The following ARMC9 variants were observed in gnomAD, a reference collection of about 807,000 sequenced individuals.
ARMC9 encodes the protein armadillo repeat containing 9.
ARMC9 carries 94 observed loss-of-function variants against 107.0 expected under a neutral mutation model. The ratio of observed to expected loss-of-function variants is 0.88; its 90% confidence interval spans 0.74 to 1.04. The LOEUF is 1.04. Ranked by LOEUF, ARMC9 falls within the 50% of genes least tolerant of loss-of-function variation. The pLI, the probability that ARMC9 is intolerant of heterozygous loss-of-function variation, is 0.00. For synonymous variants in ARMC9, 380 were observed against 396.9 expected (o/e 0.96, Z 0.51); for missense variants, 942 against 1,030.1 (o/e 0.91, Z 1.17).
At chr2:231,278,542 G>C (rs559204971) in intron 16 of ARMC9, 84 bp downstream of exon 16, 1 of 1,223,768 alleles carries the variant, frequency 8.2e-7, no homozygotes, top group South Asian at 1.3e-5. Flanking sequence ...CACACAGCTG[G>C]CCCAGGATGG....
intron 19 of ARMC9, among the ~76,000 whole-genome samples, chr2:231,326,625 G>A (rs1440975790): frequency 6.6e-6 from 1 of 152,172 alleles, no homozygotes; most frequent in African/African-American, 2.4e-5. Context: ...AGAGAGTGGA[G>A]AGGCGGGGTA....
chr2:231,262,867 C>A (rs1559369660), intron 12 of ARMC9, among the ~76,000 whole-genome samples: 1 of 152,194 alleles, frequency 6.6e-6, no homozygotes, highest in Non-Finnish European at 1.5e-5. Context: ...CAAACCTCTG[C>A]TCTACCACTC....
chr2:231,309,838 T>C (rs1172742848), intron 19 of ARMC9, among the ~76,000 whole-genome samples: 2 of 152,170 alleles, frequency 1.3e-5, no homozygotes, highest in Non-Finnish European at 2.9e-5. Flanking sequence ...TATTTCAGTC[T>C]TATACTATCC....
chr2:231,208,849 G>A (rs532004222), intron 3 of ARMC9, among the ~76,000 whole-genome samples: 13 of 152,180 alleles, frequency 8.5e-5, no homozygotes, highest in East Asian at 7.7e-4. Context: ...CAGGAGGACC[G>A]CATAAACCCA....
At chr2:231,321,999 G>A (rs1432185771) in intron 19 of ARMC9, among the ~76,000 whole-genome samples, 3 of 152,226 alleles carry the variant, frequency 2.0e-5, no homozygotes, top group South Asian at 2.1e-4. Context: ...ACTGAGCGGC[G>A]AAAGCAAGAG....
rs1390517485 is a variant in ARMC9 at position 231,216,682 on chromosome 2, C to T, written c.393C>T (p.Tyr131=). The T allele has an allele frequency of 2.5e-6, 4 of 1,613,828 alleles. No homozygotes were observed. Among genetic ancestry groups the T allele is most frequent in the East Asian group, 4.5e-5 (2 of 44,898 alleles). ...LDEKISYFKT[Y]LETKGAALSQ... ...AAAAGATTTCCTACTTCAAAACCTA[C>T]CTGGAGACCAAAGGGGCAGCCTTGA... is the stretch of plus-strand genomic sequence containing the variant. Residue 131 remains tyrosine, a synonymous_variant, in exon 5 of 25, where the codon TAC becomes TAT. Coordinates refer to ENST00000611582, the MANE Select transcript of ARMC9 (RefSeq NM_001352754.2).
intron 1 of ARMC9, chr2:231,199,033 C>G (rs2030257818): frequency 1.3e-5 from 2 of 152,242 alleles, no homozygotes; most frequent in Admixed American, 6.5e-5. Flanking sequence ...AGCGGGTTAT[C>G]CGGGATTTAG....
At chr2:231,307,490 G>A (rs1230848291) in intron 19 of ARMC9, among the ~76,000 whole-genome samples, 1 of 152,194 alleles carries the variant, frequency 6.6e-6, no homozygotes, top group African/African-American at 2.4e-5. Flanking sequence ...GACTAGTTCT[G>A]GAAGGGGCAG....
At chr2:231,212,859 A>G (rs958881798) in intron 3 of ARMC9, among the ~76,000 whole-genome samples, 2 of 152,230 alleles carry the variant, frequency 1.3e-5, no homozygotes, top group Non-Finnish European at 2.9e-5. Flanking sequence ...TTGAGGAGGT[A>G]GATGCTCATT....
At chr2:231,238,161 G>A (rs993933484) in intron 8 of ARMC9, among the ~76,000 whole-genome samples, 5 of 152,038 alleles carry the variant, frequency 3.3e-5, no homozygotes, top group African/African-American at 1.2e-4. Context: ...GACCTTGGCT[G>A]TAAAGAGAAG....
intron 19 of ARMC9, among the ~76,000 whole-genome samples, chr2:231,330,851 G>A (rs1474195168): frequency 6.6e-6 from 1 of 152,106 alleles, no homozygotes; most frequent in Non-Finnish European, 1.5e-5. Context: ...GCAGGCTTTG[G>A]GGGGCTTTTT....
chr2:231,231,175 T>C (rs1214865098), intron 7 of ARMC9, among the ~76,000 whole-genome samples: 1 of 152,186 alleles, frequency 6.6e-6, no homozygotes, highest in Non-Finnish European at 1.5e-5. Flanking sequence ...GACATTCACA[T>C]TGGTGACTTG....
intron 20 of ARMC9, among the ~76,000 whole-genome samples, chr2:231,335,840 A>G (rs1354336303): frequency 1.3e-5 from 2 of 152,104 alleles, no homozygotes; most frequent in South Asian, 4.1e-4. Context: ...ACTTTGAGAG[A>G]CGAGGTGGGA....
chr2:231,258,959 T>G (rs1414817985), intron 10 of ARMC9, 32 bp from the exon 11 acceptor site: 3 of 1,576,096 alleles, frequency 1.9e-6, no homozygotes, highest in Non-Finnish European at 2.6e-6. Context: ...TTTTGCCCTT[T>G]TCTTTCTCTT....
In ARMC9 at chr2:231,273,042, A is replaced by G. The variant is rs2039473163; in HGVS notation, c.1298A>G (p.Glu433Gly). The G allele has an allele frequency of 6.2e-7, 1 of 1,613,758 alleles. No homozygotes were observed. Among genetic ancestry groups the G allele is most frequent in the Admixed American group, 1.7e-5 (1 of 59,978 alleles). ...KEEDKDIITR[E>G]NVLGALQKFS... ...GAGGACAAGGATATCATCACCAGGG[A>G]GAATGTTCTTGGGGCCCTGCAGAAG... Residue 433 changes from glutamate (E) to glycine (G), a missense_variant, in exon 14 of 25, where the codon GAG becomes GGG. Physicochemically the swap from Glu to Gly is moderately conservative, Grantham distance 98. Transcript: ENST00000611582.
intron 8 of ARMC9, 86 bp downstream of exon 8, chr2:231,235,467 G>A: frequency 6.9e-7 from 1 of 1,440,896 alleles, no homozygotes; most frequent in Non-Finnish European, 9.3e-7. Context: ...GGCAGGTGGA[G>A]CCTGCCTCTC....
At chr2:231,351,147 C>T (rs1006650763) in intron 21 of ARMC9, among the ~76,000 whole-genome samples, 4 of 146,776 alleles carry the variant, frequency 2.7e-5, no homozygotes, top group Non-Finnish European at 6.0e-5. Flanking sequence ...TTAGTAGAGA[C>T]GGGGTTTCAC....
intron 6 of ARMC9, among the ~76,000 whole-genome samples, chr2:231,223,452 G>T (rs528515638): frequency 6.6e-6 from 1 of 152,186 alleles, no homozygotes; most frequent in East Asian, 1.9e-4. Context: ...CCCAACCCAT[G>T]GAAGACTAAT....
rs771301737 is a variant in ARMC9, at chr2:231,345,068, G to A, written c.1972G>A (p.Gly658Ser). 1.8e-5 allele frequency: 29 copies of A among 1,613,558 alleles called. No individual in the cohort carries two copies. The highest frequency in any genetic ancestry group is 5.5e-5 in the South Asian group (5 of 90,964). ...CCTGCAAAGGCCCGTCACCCCCGGC[G>A]GCCACAGAAACGGGTACCCAGTGTA... ...EPLQRPVTPG[G>S]HRNGYPVVED... Residue 658 changes from glycine (G) to serine (S), a missense_variant, in exon 21 of 25, where the codon GGC becomes AGC. Physicochemically the swap from Gly to Ser is moderately conservative, Grantham distance 56. Transcript: ENST00000611582.
Sources: allele counts gnomAD v4.1 joint callset (sites outside exome capture counted in the v4.1 genomes callset), GRCh38; gene constraint gnomAD v4.1.1; transcripts MANE v1.5; gene names NCBI Gene and HGNC (gene_info 2026-07-23, HGNC 2026-07-21).